Variants in CNTNAP1 observed in about 807,000 individuals in gnomAD.
CNTNAP1 encodes the protein contactin associated protein 1.
Under a neutral mutation model 161.5 loss-of-function variants are expected in CNTNAP1, and 80 were observed. The observed-to-expected ratio is 0.50, with a 90% confidence interval of 0.41 to 0.60. The LOEUF is 0.60. Among genes scored for constraint, CNTNAP1 ranks in the 20% least tolerant of loss-of-function variants. The pLI is 0.00. For missense variants in CNTNAP1, 1,464 were observed against 1,854.8 expected, an observed-to-expected ratio of 0.79 and a Z score of 3.87; for synonymous variants, 695 against 733.1, an observed-to-expected ratio of 0.95 and a Z score of 0.84.
rs748674756 is a variant in CNTNAP1, at chr17:42,687,754, C to A, written c.1079C>A (p.Pro360Gln). The A allele has an allele frequency of 6.2e-7, 1 of 1,614,214 alleles. No individual in the cohort carries two copies. The highest frequency in any genetic ancestry group is 1.1e-5 in the South Asian group (1 of 91,082). Reference protein sequence around the residue: ...KVAFRCLDPVPHPINFGGPHN... With the variant: ...KVAFRCLDPVQHPINFGGPHN... ...GCTTTTCGTTGCCTGGACCCGGTAC[C>A]GCACCCTATCAACTTCGGAGGCCCT... The change falls in exon 8 of 24, where the codon CCG becomes CAG. Residue 360 changes from proline (P) to glutamine (Q), a missense_variant. Pro to Gln is a moderately conservative substitution (Grantham distance 76). Transcript: ENST00000264638. The surrounding 1 kb of genome is among the most constrained non-coding windows in gnomAD (Gnocchi z 4.7).
intron 17 of CNTNAP1, 26 bp from the exon 18 acceptor site, chr17:42,693,271 C>T (rs763400636): frequency 6.2e-7 from 1 of 1,612,142 alleles, no homozygotes; most frequent in Non-Finnish European, 8.5e-7. Flanking sequence ...GCCTCCATTT[C>T]TTGACCTGTT....
In CNTNAP1 at chr17:42,690,989, T is replaced by C. The variant is rs761733478; in HGVS notation, c.2059+47T>C. ...GTGGCGGAACTGGAGGAGACACCAATGGGGGCCTGGGAGAAGGAAGCCAGA... is the reference window on the plus strand; with the variant it reads ...GTGGCGGAACTGGAGGAGACACCAACGGGGGCCTGGGAGAAGGAAGCCAGA... On this transcript the variant is annotated intron_variant, in intron 13 of 23. Transcript: ENST00000264638. 15 of 1,607,830 alleles carry C rather than the reference T, an allele frequency of 9.3e-6. No individual in the cohort carries two copies. The African/African-American group carries it at 1.6e-4, about 17-fold the overall frequency.
In CNTNAP1 at chr17:42,687,602, C is replaced by T; in HGVS notation, c.1045-118C>T. On this transcript the variant is annotated intron_variant, in intron 7 of 23. Transcript: ENST00000264638. This position sits in a 1 kb window ranked among gnomAD's most constrained non-coding sequence, Gnocchi z 4.7. Reference sequence around the variant, plus strand: ...GGTCACGTCATGGTTGGAGATCTCACCCCCGCCAACACCGAAGGAGGGCGG... The same window carrying T: ...GGTCACGTCATGGTTGGAGATCTCATCCCCGCCAACACCGAAGGAGGGCGG... 7.4e-7 allele frequency: 1 copy of T among 1,344,280 alleles called. No homozygotes were observed. The highest frequency in any genetic ancestry group is 1.0e-6 in the Non-Finnish European group (1 of 970,706). The allele number at this position is 1,344,280 out of a possible 1,614,324, so 83.3% of individuals were successfully genotyped here. A position where few individuals can be genotyped will look rare whatever the true frequency, so the allele number is the denominator to read the frequency against.
In CNTNAP1 at chr17:42,691,106, G is replaced by C. The variant is rs757702209; in HGVS notation, c.2060-31G>C. The C allele has an allele frequency of 6.2e-7, 1 of 1,610,550 alleles. No individual in the cohort carries two copies. Among genetic ancestry groups the C allele is most frequent in the South Asian group, 1.1e-5 (1 of 90,542 alleles). Reference sequence around the variant, plus strand: ...AGCCCAGAGGCTAATGGAGGGACAGGGCCTGGAAGCTGCCTGCACCTCTTC... The same window carrying C: ...AGCCCAGAGGCTAATGGAGGGACAGCGCCTGGAAGCTGCCTGCACCTCTTC... On this transcript the variant is annotated intron_variant, in intron 13 of 23. Transcript: ENST00000264638. The surrounding 1 kb of genome is among the most constrained non-coding windows in gnomAD (Gnocchi z 4.3).
Position 42,689,249 on chromosome 17 carries a change from G to T in CNTNAP1, c.1628+202G>T, listed in dbSNP as rs536484678. On this transcript the variant is annotated intron_variant, in intron 10 of 23. Transcript: ENST00000264638. ...TGCTCAGGATGGAAATGACACATTT[G>T]CTTTTGGTCCTAGAGGGGTTTTTTG... 3.3e-3 allele frequency among the ~76,000 whole-genome samples: 506 copies of T among 152,116 alleles called. 1 individual carries two copies. Among genetic ancestry groups the T allele is most frequent in the Middle Eastern group, 6.8e-3 (2 of 294 alleles).
intron 18 of CNTNAP1, among the ~76,000 whole-genome samples, chr17:42,693,739 T>G (rs145161422): frequency 6.6e-6 from 1 of 152,246 alleles, no homozygotes; most frequent in Non-Finnish European, 1.5e-5. Flanking sequence ...ATGGTACAGA[T>G]AGCTGGTGCA....
In CNTNAP1 at chr17:42,685,285, A is replaced by C; in HGVS notation, c.580A>C (p.Ser194Arg). Residue 194 changes from serine to arginine, a missense_variant, in exon 5 of 24, where the codon AGC becomes CGC. Ser to Arg is a moderately radical substitution (Grantham distance 110). Around this residue, in one of 3 missense-constraint regions of CNTNAP1, gnomAD observed 1,383 missense variants for 1,765.0 expected, o/e 0.78. Transcript: ENST00000264638. This position sits in a 1 kb window ranked among gnomAD's most constrained non-coding sequence, Gnocchi z 5.0. ...CCGCTTCCCGCGAGGGGTCAGCCGAAGCCTGTGGGACGTGTTCGCCTTCAG... is the reference window on the plus strand; with the variant it reads ...CCGCTTCCCGCGAGGGGTCAGCCGACGCCTGTGGGACGTGTTCGCCTTCAG... ...SYRFPRGVSR[S>R]LWDVFAFSFK... is the part of the protein sequence containing the mutation. 6.2e-7 allele frequency: 1 copy of C among 1,613,700 alleles called. No homozygotes were observed. Among genetic ancestry groups the C allele is most frequent in the South Asian group, 1.1e-5 (1 of 91,090 alleles).
At position 42,691,806 on chromosome 17, in the gene CNTNAP1, G is replaced by A. The variant is rs1567973617; in HGVS notation, c.2345G>A (p.Arg782Gln). The stretch of plus-strand genomic sequence containing the variant: ...GACCTTCCTCCATCTGCTTTTCTAG[G>A]AAATTCCTGGAACACCATTTCCTTC... ...FLRPLRCYGD[R>Q]NSWNTISFHT... Residue 782 changes from arginine (R) to glutamine (Q), a missense_variant and splice_region_variant, in exon 16 of 24, where the codon CGA becomes CAA. Physicochemically the swap from Arg to Gln is conservative, Grantham distance 43 (BLOSUM62 1). Coordinates refer to ENST00000264638, the MANE Select transcript of CNTNAP1 (RefSeq NM_003632.3). The surrounding 1 kb of genome is among the most constrained non-coding windows in gnomAD (Gnocchi z 4.3). 3 of 1,613,618 alleles carry A rather than the reference G, an allele frequency of 1.9e-6. No individual in the cohort carries two copies. The highest frequency in any genetic ancestry group is 1.7e-6 in the Non-Finnish European group (2 of 1,179,794).
In CNTNAP1 at chr17:42,682,678, G is replaced by A; in HGVS notation, c.-152G>A. 1 of 704,536 alleles carries A rather than the reference G, an allele frequency of 1.4e-6. No homozygotes were observed. Among genetic ancestry groups the A allele is most frequent in the South Asian group, 1.7e-5 (1 of 60,158 alleles). The allele number at this position is 704,536 out of a possible 1,614,324, so 43.6% of individuals were successfully genotyped here. ...AAGAGAGAGGAGAGACAGAGCGCTT[G>A]GGGGCGAAAGGAGAGAGGGAGGGAA... On this transcript the variant is annotated 5_prime_UTR_variant, in exon 1 of 24. Coordinates refer to ENST00000264638, the MANE Select transcript of CNTNAP1 (RefSeq NM_003632.3).
At chr17:42,695,424 T>C (rs2053138639) in intron 18 of CNTNAP1, 97 bp from the exon 19 acceptor site, 1 of 985,484 alleles carries the variant, frequency 1.0e-6, no homozygotes, top group South Asian at 1.6e-5. Flanking sequence ...TGGCAGAAAC[T>C]GAAGTAAGTC....
Position 42,698,892 on chromosome 17 carries a change from G to A in CNTNAP1, c.4137G>A (p.Glu1379=), listed in dbSNP as rs1391158365. ...PRDQNLPQIL[E]ESRSE ...ATCAGAACCTACCCCAGATCCTGGA[G>A]GAGTCCAGGTCTGAATGAGTCAGAA... is the stretch of plus-strand genomic sequence containing the variant. The change falls in exon 24 of 24, where the codon GAG becomes GAA. Residue 1379 remains glutamate (E), a synonymous_variant. Coordinates refer to ENST00000264638, the MANE Select transcript of CNTNAP1 (RefSeq NM_003632.3). 3 of 1,555,086 alleles carry A rather than the reference G, an allele frequency of 1.9e-6. No individual in the cohort carries two copies. The highest frequency in any genetic ancestry group is 2.6e-6 in the Non-Finnish European group (3 of 1,156,192).
Position 42,683,422 on chromosome 17 carries a change from G to A in CNTNAP1, c.68-399G>A, listed in dbSNP as rs934950832. On this transcript the variant is annotated intron_variant, in intron 1 of 23. Transcript: ENST00000264638. ...GAGGTTGGGTGCAAGGCCTGTATTT[G>A]GGGATGGTGCAGGTTTTGGGGGCCG... is the stretch of plus-strand genomic sequence containing the variant. The A allele has an allele frequency of 9.1e-6, 10 of 1,094,798 alleles. No homozygotes were observed. The African/African-American group carries it at 1.7e-4, about 18-fold the overall frequency. The allele number at this position is 1,094,798 out of a possible 1,614,324, so 67.8% of individuals were successfully genotyped here.
chr17:42,691,126 C>A lies in CNTNAP1; in HGVS notation c.2060-11C>A. The A allele has an allele frequency of 6.2e-7, 1 of 1,613,162 alleles. No homozygotes were observed. The highest frequency in any genetic ancestry group is 8.5e-7 in the Non-Finnish European group (1 of 1,179,634). On this transcript the variant is annotated splice_polypyrimidine_tract_variant and intron_variant, in intron 13 of 23. Transcript: ENST00000264638. The surrounding 1 kb of genome is among the most constrained non-coding windows in gnomAD (Gnocchi z 4.3). ...GACAGGGCCTGGAAGCTGCCTGCAC[C>A]TCTTCCCCAGGAGGCTACCCCTACA...
rs781729830 is a variant in CNTNAP1, at chr17:42,688,598, A to G, written c.1443A>G (p.Ser481=). 6.2e-7 allele frequency: 1 copy of G among 1,614,072 alleles called. No individual in the cohort carries two copies. Among genetic ancestry groups the G allele is most frequent in the East Asian group, 2.2e-5 (1 of 44,868 alleles). ...CGTTGCTGATCCGGACAGGGACCTC[A>G]TATTTCTTTGGGGGTAAGTGGGGGC... is the stretch of plus-strand genomic sequence containing the variant. ...SYPLLIRTGT[S]YFFGGCPKPA... is the part of the protein sequence containing the mutation. Residue 481 remains serine, a synonymous_variant, in exon 9 of 24, where the codon TCA becomes TCG. Coordinates refer to ENST00000264638, the MANE Select transcript of CNTNAP1 (RefSeq NM_003632.3).
At chr17:42,684,320 T>C (rs2052977685) in intron 3 of CNTNAP1, 91 bp downstream of exon 3, 1 of 1,291,238 alleles carries the variant, frequency 7.7e-7, no homozygotes, top group Non-Finnish European at 1.1e-6. Flanking sequence ...ATGGAGGGGG[T>C]GGTGGTGAGG....
Position 42,685,225 on chromosome 17 carries a change from A to G in CNTNAP1, c.520A>G (p.Ile174Val). The stretch of plus-strand genomic sequence containing the variant: ...TACGGTCCTTTGCGCAGAGGCCGAC[A>G]TACTCTATTTCGACGGCGACGATGC... ...GLYGCPYKAD[I>V]LYFDGDDAIS... Residue 174 changes from isoleucine to valine, a missense_variant, in exon 5 of 24, where the codon ATA becomes GTA. Transcript: ENST00000264638. This position sits in a 1 kb window ranked among gnomAD's most constrained non-coding sequence, Gnocchi z 5.0. The G allele has an allele frequency of 6.2e-7, 1 of 1,613,816 alleles. No individual in the cohort carries two copies. Among genetic ancestry groups the G allele is most frequent in the Non-Finnish European group, 8.5e-7 (1 of 1,180,032 alleles).
In CNTNAP1 at chr17:42,684,020, C is replaced by G; in HGVS notation, c.170-16C>G. 1 of 1,613,880 alleles carries G rather than the reference C, an allele frequency of 6.2e-7. No homozygotes were observed. Among genetic ancestry groups the G allele is most frequent in the Non-Finnish European group, 8.5e-7 (1 of 1,179,822 alleles). On this transcript the variant is annotated splice_polypyrimidine_tract_variant and intron_variant, in intron 2 of 23. Transcript: ENST00000264638. ...GGGAGAGGGATAGCCGGTTAAAGCT[C>G]CTGTCCTTTCTATAGGCATAAGCGG...
rs144659252 is a variant in CNTNAP1 at position 42,692,636 on chromosome 17, C to T, written c.2668C>T (p.Arg890Ter). ...AATCAACGTGAAGCAGGCCCGGCTC[C>T]GAGTGGATCACCGGCCCTGGGTTCT... ...AEINVKQARL[R>*]VDHRPWVLRP... Residue 890 changes from arginine to a stop codon, truncating the protein, a stop_gained, in exon 17 of 24, where the codon CGA becomes TGA. Transcript: ENST00000264638. LOFTEE classifies it high-confidence loss of function. The T allele has an allele frequency of 7.4e-6, 12 of 1,614,098 alleles. No individual in the cohort carries two copies. The highest frequency in any genetic ancestry group is 2.7e-5 in the African/African-American group (2 of 74,932).
Position 42,688,921 on chromosome 17 carries a change from C to T in CNTNAP1, c.1502C>T (p.Thr501Met), listed in dbSNP as rs148181656. The change falls in exon 10 of 24, where the codon ACG becomes ATG. Residue 501 changes from threonine to methionine, a missense_variant. Thr to Met is a moderately conservative substitution (Grantham distance 81, BLOSUM62 -1). This residue lies in a region of CNTNAP1 where 1,383 missense variants were observed against 1,765.0 expected (regional missense o/e 0.78). Transcript: ENST00000264638. ...ASRWDCHSNQTAFHGCMELLK... is the reference protein window; with the variant it reads ...ASRWDCHSNQMAFHGCMELLK... The stretch of plus-strand genomic sequence containing the variant: ...CGATGGGACTGCCACTCCAACCAGA[C>T]GGCATTCCATGGCTGCATGGAGCTG... 1.5e-5 allele frequency: 25 copies of T among 1,614,024 alleles called. No homozygotes were observed. The highest frequency in any genetic ancestry group is 2.2e-5 in the South Asian group (2 of 91,088).
Sources: gnomAD v4.1 joint callset for allele counts (sites outside exome capture counted in the v4.1 genomes callset) on GRCh38, gnomAD v4.1.1 for gene constraint, gnomAD v4.1.1 regional missense constraint, Gnocchi (gnomAD v3.1) non-coding constraint, MANE v1.5 for transcripts, NCBI Gene and HGNC (gene_info 2026-07-23, HGNC 2026-07-21) for gene names.